The following SPRED2 variants were observed in gnomAD, a reference collection of about 807,000 sequenced individuals.
SPRED2 encodes the protein sprouty related EVH1 domain containing 2, also known as sprouty-related, EVH1 domain-containing protein 2.
SPRED2 carries 47 observed loss-of-function variants against 43.0 expected under a neutral mutation model. The ratio of observed to expected loss-of-function variants is 1.09; its 90% confidence interval spans 0.87 to 1.40. The LOEUF is 1.40. SPRED2 is among the 40% of genes most tolerant of loss of function. The probability of loss-of-function intolerance (pLI) is 0.00; values close to 1 mark genes in which losing one functional copy is unlikely to be tolerated. For synonymous variants in SPRED2, 225 were observed against 225.7 expected, an observed-to-expected ratio of 1.00 and a Z score of 0.03; for missense variants, 561 against 586.4, an observed-to-expected ratio of 0.96 and a Z score of 0.45.
chr2:65,393,491 C>G (rs1169324092), intron 1 of SPRED2, among the ~76,000 whole-genome samples: 3 of 151,926 alleles, frequency 2.0e-5, no homozygotes. Flanking sequence ...GTGCCACTAC[C>G]GCCCGGCTAA....
At chr2:65,329,803 C>T (rs930657522) in intron 4 of SPRED2, among the ~76,000 whole-genome samples, 2 of 152,172 alleles carry the variant, frequency 1.3e-5, no homozygotes, top group East Asian at 1.9e-4. Flanking sequence ...AAGCAACATG[C>T]CAACTGTTGA....
chr2:65,409,363 T>C (rs1304548034), intron 1 of SPRED2, among the ~76,000 whole-genome samples: 1 of 152,238 alleles, frequency 6.6e-6, no homozygotes, highest in African/African-American at 2.4e-5. Context: ...ATTTAAAACA[T>C]TAACTGTTGA....
At chr2:65,322,290 A>ATCTC (rs1346549604) in intron 4 of SPRED2, among the ~76,000 whole-genome samples, 2 of 78,992 alleles carry the variant, frequency 2.5e-5, no homozygotes, top group African/African-American at 1.2e-4. Context: ...ATATATATAT[A>ATCTC]TATATTTTTT....
intron 1 of SPRED2, among the ~76,000 whole-genome samples, chr2:65,421,425 GT>G (rs1456455967): frequency 3.3e-5 from 5 of 152,216 alleles, no homozygotes; most frequent in African/African-American, 9.6e-5. Flanking sequence ...TTCCTGGGGA[GT>G]TTGTTAAGAA....
chr2:65,375,877 A>C (rs1360199565), intron 1 of SPRED2, among the ~76,000 whole-genome samples: 1 of 152,182 alleles, frequency 6.6e-6, no homozygotes, highest in Non-Finnish European at 1.5e-5. Flanking sequence ...CCCCGATGCT[A>C]AGAATGTGTG....
rs60070248 is a variant in SPRED2 at position 65,384,596 on chromosome 2, G to A, written c.27-39700C>T. ...GTAGCATAGGGTGCAGGCCCGTGAG[G>A]CCAGCCCCTTCCCCACACCTCCCTT... is the stretch of plus-strand genomic sequence containing the variant. On this transcript the variant is annotated intron_variant, in intron 1 of 5. Coordinates refer to ENST00000356388, the MANE Select transcript of SPRED2 (RefSeq NM_181784.3). 2.4e-3 allele frequency among the ~76,000 whole-genome samples: 361 copies of A among 152,294 alleles called. 4 individuals carry two copies. The highest frequency in any genetic ancestry group is 8.5e-3 in the African/African-American group (353 of 41,542).
At chr2:65,425,328 C>T (rs964867806) in intron 1 of SPRED2, among the ~76,000 whole-genome samples, 1 of 152,200 alleles carries the variant, frequency 6.6e-6, no homozygotes, top group Admixed American at 6.5e-5. Flanking sequence ...GTGTTAAATG[C>T]TAAGGGTGAA....
At chr2:65,422,709 T>A (rs1676459520) in intron 1 of SPRED2, among the ~76,000 whole-genome samples, 1 of 152,196 alleles carries the variant, frequency 6.6e-6, no homozygotes. Flanking sequence ...CAATTTTCCT[T>A]AGTACAAAAG....
chr2:65,409,691 CA>C (rs59225849), intron 1 of SPRED2, among the ~76,000 whole-genome samples: 26,891 of 89,796 alleles, frequency 0.3, 1,748 homozygotes, highest in Non-Finnish European at 0.35. Context: ...CAGTTTCCTG[CA>C]AAAAAAAAAA....
chr2:65,394,214 A>C (rs1410006707), intron 1 of SPRED2, among the ~76,000 whole-genome samples: 5 of 152,246 alleles, frequency 3.3e-5, no homozygotes, highest in Non-Finnish European at 5.9e-5. Context: ...TGCTAGAAAT[A>C]GACCAACCAC....
chr2:65,312,626 G>A lies in SPRED2; in HGVS notation c.*875C>T. 1.0e-6 allele frequency: 1 copy of A among 985,830 alleles called. No homozygotes were observed. Among genetic ancestry groups the A allele is most frequent in the Non-Finnish European group, 1.2e-6 (1 of 829,904 alleles). The allele number at this position is 985,830 out of a possible 1,614,324, so 61.1% of individuals were successfully genotyped here. On this transcript the variant is annotated 3_prime_UTR_variant, in exon 6 of 6. Coordinates refer to ENST00000356388, the MANE Select transcript of SPRED2 (RefSeq NM_181784.3). ...TTCTAATATTGCTAAATTTTTAGAA[G>A]TGGTGGCAACACAATTTAAAAAATG...
intron 1 of SPRED2, among the ~76,000 whole-genome samples, chr2:65,359,060 C>G (rs991916551): frequency 3.9e-5 from 6 of 152,148 alleles, no homozygotes; most frequent in Admixed American, 3.9e-4. Flanking sequence ...TTTACAAATC[C>G]CAACTTAAGT....
At chr2:65,315,803 C>T (rs1274369350) in intron 5 of SPRED2, among the ~76,000 whole-genome samples, 2 of 152,148 alleles carry the variant, frequency 1.3e-5, no homozygotes, top group Admixed American at 6.5e-5. Context: ...GGACTACAGG[C>T]GCCCGCCACC....
intron 1 of SPRED2, among the ~76,000 whole-genome samples, chr2:65,394,775 G>A (rs967586226): frequency 5.3e-5 from 8 of 152,152 alleles, no homozygotes; most frequent in African/African-American, 4.8e-5. Flanking sequence ...ACAGTGAGGC[G>A]CAGGGAGGGT....
At chr2:65,366,750 C>T (rs1674991633) in intron 1 of SPRED2, 2 of 1,470,596 alleles carry the variant, frequency 1.4e-6, no homozygotes, top group African/African-American at 2.8e-5. Flanking sequence ...ATTCAGTCTC[C>T]TTGACAAATA....
intron 1 of SPRED2, among the ~76,000 whole-genome samples, chr2:65,385,390 C>G (rs1173858248): frequency 6.6e-6 from 1 of 152,244 alleles, no homozygotes; most frequent in Non-Finnish European, 1.5e-5. Flanking sequence ...CCCACGCCCT[C>G]TGGGGAGTTG....
chr2:65,419,577 TTGTG>T (rs10541896), intron 1 of SPRED2, among the ~76,000 whole-genome samples: 2,372 of 148,962 alleles, frequency 0.016, 21 homozygotes, highest in South Asian at 0.04. Context: ...GGGATTATAG[TTGTG>T]TGTGTGTGTG....
chr2:65,392,538 TA>T (rs1477809059), intron 1 of SPRED2, among the ~76,000 whole-genome samples: 6 of 152,350 alleles, frequency 3.9e-5, no homozygotes, highest in Admixed American at 6.5e-5. Flanking sequence ...AATATCCACC[TA>T]CATGTTCTTC....
At chr2:65,378,502 T>C (rs1057024062) in intron 1 of SPRED2, among the ~76,000 whole-genome samples, 4 of 152,068 alleles carry the variant, frequency 2.6e-5, no homozygotes, top group African/African-American at 9.7e-5. Context: ...GATGAGTACA[T>C]GGGGTGGGGG....
Sources: allele counts gnomAD v4.1 joint callset (sites outside exome capture counted in the v4.1 genomes callset), GRCh38; gene constraint gnomAD v4.1.1; transcripts MANE v1.5; gene names NCBI Gene and HGNC (gene_info 2026-07-23, HGNC 2026-07-21).